The following DPY19L2 variants were observed in gnomAD, a reference collection of about 807,000 sequenced individuals.
The protein encoded by DPY19L2 is probable C-mannosyltransferase DPY19L2.
A neutral mutation model predicts 97.9 loss-of-function variants in DPY19L2; 34 were observed. The ratio of observed to expected loss-of-function variants is 0.35; its 90% CI spans 0.26 to 0.46. The LOEUF is 0.46. Ranked by LOEUF, DPY19L2 falls within the 20% of genes least tolerant of loss-of-function variation. DPY19L2 has a pLI of 1.00. For synonymous variants in DPY19L2, 230 were observed against 307.9 expected, an observed-to-expected ratio of 0.75 and a Z score of 2.65; for missense variants, 623 against 911.4, an observed-to-expected ratio of 0.68 and a Z score of 4.07.
intron 4 of DPY19L2, among the ~76,000 whole-genome samples, chr12:63,647,590 C>T (rs11532473): frequency 0.038 from 5,723 of 152,174 alleles, 219 homozygotes; most frequent in East Asian, 0.13. Context: ...TTTATAGATT[C>T]AATGCTCTAC....
rs779234416 is a variant in DPY19L2 at position 63,661,343 on chromosome 12, C to A, written c.588+1G>T. 4.5e-6 allele frequency: 7 copies of A among 1,571,006 alleles called. No homozygotes were observed. The highest frequency in any genetic ancestry group is 6.0e-6 in the Non-Finnish European group (7 of 1,167,062). ...ATTATTTGTCTCAAATTATGACTCA[C>A]CTCTGGATAAAGATGGAAGCGTTTT... is the stretch of plus-strand genomic sequence containing the variant. On this transcript the variant is annotated splice_donor_variant, in intron 4 of 21. Coordinates refer to ENST00000324472, the MANE Select transcript of DPY19L2 (RefSeq NM_173812.5). LOFTEE classifies it high-confidence loss of function.
At chr12:63,640,856 A>C (rs931346960) in intron 6 of DPY19L2, among the ~76,000 whole-genome samples, 1 of 152,136 alleles carries the variant, frequency 6.6e-6, no homozygotes, top group Non-Finnish European at 1.5e-5. Flanking sequence ...AATACAAACC[A>C]TTTTCAAAAA....
intron 16 of DPY19L2, among the ~76,000 whole-genome samples, chr12:63,587,337 C>A: frequency 6.6e-6 from 1 of 151,696 alleles, no homozygotes; most frequent in East Asian, 1.9e-4. Flanking sequence ...TCTAAGAAAA[C>A]AGATAAAGTA....
intron 12 of DPY19L2, among the ~76,000 whole-genome samples, chr12:63,607,422 A>C (rs1040397037): frequency 6.6e-6 from 1 of 152,200 alleles, no homozygotes; most frequent in Non-Finnish European, 1.5e-5. Context: ...GTAAAGAGTC[A>C]AATTGGTAGA....
chr12:63,571,013 A>G (rs1358702761), intron 19 of DPY19L2, among the ~76,000 whole-genome samples, 156 bp from the exon 20 acceptor site: 1 of 152,134 alleles, frequency 6.6e-6, no homozygotes, highest in African/African-American at 2.4e-5. Context: ...GTTATTCATT[A>G]TCTACTACAA....
At chr12:63,620,209 C>T (rs1375053908) in intron 9 of DPY19L2, 9 of 291,450 alleles carry the variant, frequency 3.1e-5, no homozygotes, top group Middle Eastern at 1.4e-3. Context: ...TTTCTTGTTA[C>T]TAGTTATGTA....
chr12:63,592,347 A>C (rs1402839733), intron 16 of DPY19L2, among the ~76,000 whole-genome samples: 1 of 150,822 alleles, frequency 6.6e-6, no homozygotes, highest in Non-Finnish European at 1.5e-5. Flanking sequence ...CCTAAGCCAA[A>C]AGAACAAAGC....
intron 21 of DPY19L2, among the ~76,000 whole-genome samples, chr12:63,562,940 C>T (rs1346316426): frequency 6.6e-6 from 1 of 152,074 alleles, no homozygotes; most frequent in Admixed American, 6.5e-5. Context: ...GGATTATATG[C>T]GCCCACCATC....
At chr12:63,589,357 C>CAAAA (rs71086687) in intron 16 of DPY19L2, among the ~76,000 whole-genome samples, 18 of 18,982 alleles carry the variant, frequency 9.5e-4, no homozygotes, top group South Asian at 6.0e-3. Context: ...AAATGTGTTG[C>CAAAA]AAAAAAAAAA....
intron 19 of DPY19L2, 151 bp from the exon 20 acceptor site, chr12:63,571,008 T>C (rs1419252731): frequency 4.0e-6 from 3 of 741,586 alleles, no homozygotes; most frequent in Non-Finnish European, 6.4e-6. Flanking sequence ...CAATAGTTAT[T>C]CATTATCTAC....
intron 2 of DPY19L2, among the ~76,000 whole-genome samples, 180 bp downstream of exon 2, chr12:63,665,655 A>G (rs1896249181): frequency 1.3e-5 from 2 of 152,148 alleles, no homozygotes; most frequent in African/African-American, 4.8e-5. Context: ...TAATGCATCT[A>G]TTTTGTAAAT....
intron 16 of DPY19L2, among the ~76,000 whole-genome samples, chr12:63,591,361 C>A (rs1372250624): frequency 1.3e-5 from 2 of 152,166 alleles, no homozygotes; most frequent in South Asian, 4.1e-4. Flanking sequence ...ATTCTATTTA[C>A]AAATATAAAA....
chr12:63,627,372 C>CA (rs1201030896), intron 6 of DPY19L2, among the ~76,000 whole-genome samples: 1 of 151,878 alleles, frequency 6.6e-6, no homozygotes, highest in African/African-American at 2.4e-5. Context: ...TGTTTTGAGA[C>CA]AGAGTCTTGC....
chr12:63,592,095 GAGAAA>G (rs1166588529), intron 16 of DPY19L2, among the ~76,000 whole-genome samples: 1 of 117,212 alleles, frequency 8.5e-6, no homozygotes, highest in Admixed American at 9.6e-5. Context: ...CAAGAGAAAA[GAGAAA>G]AGAAAAGAGA....
chr12:63,612,603 TA>T lies in DPY19L2; in HGVS notation c.1219-3929del, dbSNP rs61376652. Among the ~76,000 whole-genome samples, 222 of 133,964 alleles carry T rather than the reference TA, an allele frequency of 1.7e-3. 3 individuals are homozygous for T. In the South Asian group the frequency reaches 0.02, roughly 12 times the overall value. The allele number at this position is 133,964 out of a possible 152,430, so 87.9% of individuals were successfully genotyped here. ...AGTCAATGACCTTGCTTTATACCTT[TA>T]AAAAAAAAAAAAAGGACTAGGAAAA... is the stretch of plus-strand genomic sequence containing the variant. On this transcript the variant is annotated intron_variant, in intron 11 of 21. Transcript: ENST00000324472.
In DPY19L2 at chr12:63,596,023, G is replaced by A. The variant is rs925966591; in HGVS notation, c.1476C>T (p.Tyr492=). Residue 492 remains tyrosine, a synonymous_variant, in exon 15 of 22, where the codon TAC becomes TAT. Transcript: ENST00000324472. ...CAACTGGAAGCAATAATGTCTTTGT[G>A]TATCTCAGCGGAGTCTGAAATATAC... ...DFMEKATPLR[Y]TKTLLLPVVM... 1.1e-5 allele frequency: 17 copies of A among 1,600,318 alleles called. No individual in the cohort carries two copies. The highest frequency in any genetic ancestry group is 1.4e-5 in the Non-Finnish European group (16 of 1,173,810).
chr12:63,606,519 T>G (rs1182754610), intron 12 of DPY19L2, among the ~76,000 whole-genome samples: 1 of 152,182 alleles, frequency 6.6e-6, no homozygotes, highest in Non-Finnish European at 1.5e-5. Context: ...AATCTCTTAG[T>G]GCGATAATTT....
intron 6 of DPY19L2, among the ~76,000 whole-genome samples, chr12:63,634,352 C>A (rs1023869228): frequency 2.6e-5 from 4 of 152,012 alleles, no homozygotes; most frequent in African/African-American, 9.7e-5. Context: ...TGAATAGGAA[C>A]AGCTCCAGTC....
intron 6 of DPY19L2, among the ~76,000 whole-genome samples, chr12:63,636,024 G>T (rs1261953484): frequency 2.0e-5 from 3 of 152,150 alleles, no homozygotes; most frequent in African/African-American, 7.2e-5. Context: ...AGGGCAGCCA[G>T]AGAGAAAGGT....
Sources: allele counts gnomAD v4.1 joint callset (sites outside exome capture counted in the v4.1 genomes callset), GRCh38; gene constraint gnomAD v4.1.1; transcripts MANE v1.5; gene names NCBI Gene and HGNC (gene_info 2026-07-23, HGNC 2026-07-21).